Variants in TRMT11 observed in about 807,000 individuals in gnomAD.
TRMT11 encodes tRNA (guanine(10)-N(2))-methyltransferase TRMT11.
A neutral mutation model predicts 62.8 loss-of-function variants in TRMT11; 53 were observed. The observed-to-expected ratio is 0.84, with a 90% CI of 0.68 to 1.06. The LOEUF is 1.06. Among genes scored for constraint, TRMT11 ranks in the 50% least tolerant of loss-of-function variants. The pLI is 0.00. For missense variants in TRMT11, 556 were observed against 553.4 expected, an observed-to-expected ratio of 1.00 and a Z score of -0.05; for synonymous variants, 188 against 190.3, an observed-to-expected ratio of 0.99 and a Z score of 0.10.
intron 17 of TRMT11, among the ~76,000 whole-genome samples, chr6:126,085,962 A>G (rs1174560704): frequency 6.6e-6 from 1 of 152,004 alleles, no homozygotes; most frequent in Admixed American, 6.6e-5. Flanking sequence ...TAAAAAGTAA[A>G]ATCTTCCTAA....
chr6:126,232,563 TG>T, the TRMT11 span, among the ~76,000 whole-genome samples: 1 of 152,186 alleles, frequency 6.6e-6, no homozygotes, highest in Admixed American at 6.5e-5. Flanking sequence ...CAGGGGTCCT[TG>T]TTCACCCTGA....
At chr6:126,226,074 G>A in the TRMT11 span, among the ~76,000 whole-genome samples, 25 of 152,246 alleles carry the variant, frequency 1.6e-4, no homozygotes, top group Middle Eastern at 6.8e-3. Flanking sequence ...AACATAATGA[G>A]TAGTTAACCT....
At chr6:126,047,680 G>A (rs1052437524) in intron 16 of TRMT11, among the ~76,000 whole-genome samples, 1 of 152,150 alleles carries the variant, frequency 6.6e-6, no homozygotes, top group African/African-American at 2.4e-5. Context: ...ACCATTAATC[G>A]TAACACAGTC....
At chr6:126,231,837 C>T in the TRMT11 span, among the ~76,000 whole-genome samples, 1 of 152,182 alleles carries the variant, frequency 6.6e-6, no homozygotes, top group Admixed American at 6.6e-5. Context: ...CCCCCACATC[C>T]TAACAAATTG....
rs555659565 is a variant in TRMT11, at chr6:126,073,481, G to A, written c.*1437+20291G>A. On this transcript the variant is annotated intron_variant and NMD_transcript_variant, in intron 17 of 22. Transcript: ENST00000648977. Reference sequence around the variant, plus strand: ...TTTTTTTTTTAACTTAATGGAGTCCGTTAATGGGAAATTATGTGTGACCCA... The same window carrying A: ...TTTTTTTTTTAACTTAATGGAGTCCATTAATGGGAAATTATGTGTGACCCA... Among the ~76,000 whole-genome samples, 96 of 152,012 alleles carry A rather than the reference G, an allele frequency of 6.3e-4. 1 individual carries two copies. The highest frequency in any genetic ancestry group is 2.5e-3 in the South Asian group (12 of 4,816).
rs139042673 is a variant in TRMT11 at position 126,018,536 on chromosome 6, T to C, written c.1140-2624T>C. On this transcript the variant is annotated intron_variant, in intron 11 of 12. Transcript: ENST00000334379. ...CCCCTTAACGTATACAACTTCATGGTTTTTAGTTTATCCACAAAGTTGTGT... is the reference window on the plus strand; with the variant it reads ...CCCCTTAACGTATACAACTTCATGGCTTTTAGTTTATCCACAAAGTTGTGT... Among the ~76,000 whole-genome samples, 165 of 151,840 alleles carry C rather than the reference T, an allele frequency of 1.1e-3. 1 individual carries two copies. In the East Asian group the frequency reaches 0.03, roughly 28 times the overall value.
chr6:126,105,186 T>A (rs924223828), intron 17 of TRMT11, among the ~76,000 whole-genome samples: 12 of 152,212 alleles, frequency 7.9e-5, no homozygotes, highest in African/African-American at 2.7e-4. Flanking sequence ...AAACATTCCA[T>A]GGACTGAGCT....
chr6:126,147,209 C>A (rs982073971), intron 21 of TRMT11, among the ~76,000 whole-genome samples: 5 of 152,106 alleles, frequency 3.3e-5, no homozygotes, highest in Non-Finnish European at 7.4e-5. Flanking sequence ...TAACAAAAGA[C>A]TATAGAGTTT....
In TRMT11 at chr6:126,104,784, T is replaced by C. The variant is rs144934825; in HGVS notation, c.*1438-8082T>C. 4.6e-5 allele frequency among the ~76,000 whole-genome samples: 7 copies of C among 152,354 alleles called. No homozygotes were observed. In the East Asian group the frequency reaches 1.2e-3, roughly 25 times the overall value. On this transcript the variant is annotated intron_variant and NMD_transcript_variant, in intron 17 of 22. Transcript: ENST00000648977. ...GCCTTCCTTTCTCTTCTTCTCCCAT[T>C]GTTTAAAGACCTTAATCTTCATGAA...
the TRMT11 span, among the ~76,000 whole-genome samples, chr6:126,269,825 A>G: frequency 5.3e-5 from 8 of 152,312 alleles, no homozygotes; most frequent in Middle Eastern, 3.4e-3. Flanking sequence ...CTATTATATA[A>G]GAAAGATGGA....
At chr6:126,011,483 A>G in intron 9 of TRMT11, 66 bp downstream of exon 9, 1 of 1,400,056 alleles carries the variant, frequency 7.1e-7, no homozygotes, top group South Asian at 1.3e-5. Flanking sequence ...CATTTAAAGT[A>G]CAAAATTTAC....
rs1277451667 is a variant in TRMT11, at chr6:126,074,258, A to G, written c.*1437+21068A>G. ...GTTTCCCTCAGGGATGCCTTCTCCA[A>G]CTCCTGTATGTGTCTCTGTGTTTAA... On this transcript the variant is annotated intron_variant and NMD_transcript_variant, in intron 17 of 22. Transcript: ENST00000648977. Among the ~76,000 whole-genome samples, 4 of 152,062 alleles carry G rather than the reference A, an allele frequency of 2.6e-5. No homozygotes were observed. The South Asian group carries it at 6.2e-4, about 24-fold the overall frequency.
At chr6:126,098,673 A>G (rs1307518669) in intron 17 of TRMT11, among the ~76,000 whole-genome samples, 2 of 152,190 alleles carry the variant, frequency 1.3e-5, no homozygotes, top group African/African-American at 4.8e-5. Context: ...ATGAGGGGCT[A>G]TGAAAAGTTG....
chr6:126,089,426 T>C (rs1219935638), intron 17 of TRMT11, among the ~76,000 whole-genome samples: 1 of 152,188 alleles, frequency 6.6e-6, no homozygotes, highest in Non-Finnish European at 1.5e-5. Flanking sequence ...TGTAATGTTA[T>C]TTAATTATCA....
At chr6:126,248,784 T>TA in the TRMT11 span, among the ~76,000 whole-genome samples, 1 of 152,156 alleles carries the variant, frequency 6.6e-6, no homozygotes, top group Admixed American at 6.5e-5. Context: ...AAAACCTTAT[T>TA]ATTACAAACA....
intron 1 of TRMT11, among the ~76,000 whole-genome samples, chr6:126,193,726 C>A (rs1272136532): frequency 2.0e-5 from 3 of 151,812 alleles, no homozygotes; most frequent in African/African-American, 7.3e-5. Flanking sequence ...ATCTCCTGAC[C>A]TCGTGATCCG....
At chr6:126,178,716 G>A (rs928215112) in intron 1 of TRMT11, among the ~76,000 whole-genome samples, 3 of 152,090 alleles carry the variant, frequency 2.0e-5, no homozygotes, top group Admixed American at 2.0e-4. Context: ...TTGGTGTCTA[G>A]GTCTTTTTTC....
At chr6:126,026,729 A>T (rs372532207) in intron 12 of TRMT11, among the ~76,000 whole-genome samples, 32 of 151,484 alleles carry the variant, frequency 2.1e-4, no homozygotes, top group East Asian at 2.0e-3. Context: ...AGTTTTTTTT[A>T]AAGATAGTCT....
intron 3 of TRMT11, among the ~76,000 whole-genome samples, chr6:125,996,752 A>T (rs1323818350): frequency 6.6e-6 from 1 of 152,218 alleles, no homozygotes; most frequent in African/African-American, 2.4e-5. Context: ...AACTTTCTGT[A>T]GAAATTATAT....
Sources: allele counts gnomAD v4.1 joint callset (sites outside exome capture counted in the v4.1 genomes callset), GRCh38; gene constraint gnomAD v4.1.1; transcripts MANE v1.5; gene names NCBI Gene and HGNC (gene_info 2026-07-23, HGNC 2026-07-21).